The following SEMA6A variants were observed in gnomAD, a reference collection of about 807,000 sequenced individuals.
The protein encoded by SEMA6A is semaphorin-6A.
In SEMA6A, 25 loss-of-function variants were observed where a neutral mutation model predicts 96.8. That is an observed-to-expected ratio of 0.26 (90% CI 0.19 to 0.36). The LOEUF is 0.36. Ranked by LOEUF, SEMA6A falls within the 10% of genes least tolerant of loss-of-function variation. The pLI, the probability that SEMA6A is intolerant of heterozygous loss-of-function variation, is 1.00. For synonymous variants in SEMA6A, 612 were observed against 518.0 expected, an observed-to-expected ratio of 1.18 and a Z score of -2.46; for missense variants, 1,363 against 1,323.1, an observed-to-expected ratio of 1.03 and a Z score of -0.47.
chr5:116,482,599 A>G (rs1489657937), intron 10 of SEMA6A, 24 bp from the exon 11 acceptor site: 2 of 1,612,318 alleles, frequency 1.2e-6, no homozygotes, highest in Non-Finnish European at 8.5e-7. Context: ...TTTCACATCA[A>G]GTGTTACTCA....
intron 1 of SEMA6A, among the ~76,000 whole-genome samples, chr5:116,546,442 C>T (rs1331439435): frequency 6.6e-6 from 1 of 152,258 alleles, no homozygotes; most frequent in Non-Finnish European, 1.5e-5. Context: ...TATGTGTCCT[C>T]ACATCTTGTG....
intron 18 of SEMA6A, among the ~76,000 whole-genome samples, chr5:116,450,385 A>G (rs1421951092): frequency 3.9e-5 from 6 of 152,212 alleles, no homozygotes; most frequent in Admixed American, 2.0e-4. Context: ...TGACTTTGGC[A>G]TTCTACAATT....
At chr5:116,519,697 A>ACACACG (rs1758843543) in intron 1 of SEMA6A, among the ~76,000 whole-genome samples, 1 of 150,996 alleles carries the variant, frequency 6.6e-6, no homozygotes, top group African/African-American at 2.5e-5. Context: ...ACACACGCAC[A>ACACACG]CACATACATT....
rs775138777 is a variant in SEMA6A at position 116,446,721 on chromosome 5, C to G, written c.2985G>C (p.Leu995=). The stretch of plus-strand genomic sequence containing the variant: ...GCGTACGCTTCAGCCCCGACCTTGT[C>G]AGTGAGTTGTAGGCGTTGAGGCTGG... ...RQPSLNAYNS[L]TRSGLKRTPS... Residue 995 remains leucine (L), a synonymous_variant, in exon 19 of 19, where the codon CTG becomes CTC. Coordinates refer to ENST00000343348, the MANE Select transcript of SEMA6A (RefSeq NM_020796.5). 56 of 1,600,230 alleles carry G rather than the reference C, an allele frequency of 3.5e-5. 2 individuals carry two copies. Among genetic ancestry groups the G allele is most frequent in the South Asian group, 3.4e-4 (30 of 89,078 alleles).
chr5:116,511,353 G>A (rs866795229), intron 1 of SEMA6A, among the ~76,000 whole-genome samples: 36 of 152,202 alleles, frequency 2.4e-4, no homozygotes, highest in Admixed American at 3.3e-4. Context: ...TTCTATCAGC[G>A]GTTGGTTGAA....
intron 18 of SEMA6A, among the ~76,000 whole-genome samples, chr5:116,463,391 A>G (rs1755535172): frequency 6.6e-6 from 1 of 152,196 alleles, no homozygotes; most frequent in Non-Finnish European, 1.5e-5. Context: ...ATTAACTATA[A>G]AGAGAATTAT....
At position 116,484,209 on chromosome 5, in the gene SEMA6A, ATATT is replaced by A. The variant is rs546268298; in HGVS notation, c.963-1638_963-1635del. ...CATTTACATATAGTATTTTCTTTAT[ATATT>A]AAGAAAAATAGGATAAATACTATTT... On this transcript the variant is annotated intron_variant, in intron 10 of 18. Transcript: ENST00000343348. 2.7e-3 allele frequency among the ~76,000 whole-genome samples: 404 copies of A among 152,216 alleles called. 3 individuals carry two copies. The highest frequency in any genetic ancestry group is 7.9e-3 in the African/African-American group (327 of 41,544).
intron 18 of SEMA6A, among the ~76,000 whole-genome samples, chr5:116,450,589 T>G (rs1435405338): frequency 2.0e-5 from 3 of 152,236 alleles, no homozygotes; most frequent in African/African-American, 7.2e-5. Flanking sequence ...TACTTATTCT[T>G]TCACTGGGAA....
intron 10 of SEMA6A, among the ~76,000 whole-genome samples, chr5:116,483,160 A>G (rs140373336): frequency 8.5e-5 from 13 of 152,342 alleles, no homozygotes; most frequent in Non-Finnish European, 1.3e-4. Flanking sequence ...CTAAAATGCC[A>G]TCACTTTGCA....
intron 1 of SEMA6A, among the ~76,000 whole-genome samples, chr5:116,544,218 T>C (rs913916091): frequency 6.6e-6 from 1 of 152,036 alleles, no homozygotes; most frequent in African/African-American, 2.4e-5. Context: ...GGATGCGGGG[T>C]CTACGGCATG....
At chr5:116,492,540 T>G (rs1212785286) in intron 6 of SEMA6A, 3 of 152,204 alleles carry the variant, frequency 2.0e-5, no homozygotes, top group Non-Finnish European at 4.4e-5. Context: ...CCCAGCCTGA[T>G]TTTTGCAGAA....
rs753588724 is a variant in SEMA6A, at chr5:116,447,417, C to T, written c.2289G>A (p.Thr763=). The T allele has an allele frequency of 1.2e-6, 2 of 1,614,044 alleles. No homozygotes were observed. The highest frequency in any genetic ancestry group is 1.1e-5 in the South Asian group (1 of 91,078). ...TALPTPESTP[T]LQQKRKPSRG... ...GGCTGGGCTTCCGCTTCTGCTGCAG[C>T]GTTGGGGTTGACTCTGGGGTGGGGA... Residue 763 remains threonine, a synonymous_variant, in exon 19 of 19, where the codon ACG becomes ACA. Transcript: ENST00000343348.
intron 18 of SEMA6A, among the ~76,000 whole-genome samples, chr5:116,455,338 G>A (rs763558243): frequency 2.0e-5 from 3 of 152,184 alleles, no homozygotes; most frequent in Non-Finnish European, 4.4e-5. Flanking sequence ...TCATGTGTTA[G>A]AACTGTTACT....
chr5:116,446,497 C>G lies in SEMA6A; in HGVS notation c.*116G>C, dbSNP rs1754217712. On this transcript the variant is annotated 3_prime_UTR_variant, in exon 19 of 19. Transcript: ENST00000343348. ...AGAGAGGAGGACCCAGCGTCCTCGG[C>G]TCTGCCGCAGGCCTTCTTGGTCTGG... 5 of 904,630 alleles carry G rather than the reference C, an allele frequency of 5.5e-6. No individual in the cohort carries two copies. In the South Asian group the frequency reaches 1.2e-4, roughly 21 times the overall value. 56.0% of individuals were successfully genotyped at this position (904,630 alleles called of 1,614,324 possible).
chr5:116,553,398 A>G (rs533091127), intron 1 of SEMA6A, among the ~76,000 whole-genome samples: 1 of 152,294 alleles, frequency 6.6e-6, no homozygotes, highest in South Asian at 2.1e-4. Flanking sequence ...ATTAGCGTCT[A>G]TTTAATATGG....
At chr5:116,491,403 C>T (rs1284613152) in intron 7 of SEMA6A, among the ~76,000 whole-genome samples, 1 of 140,844 alleles carries the variant, frequency 7.1e-6, no homozygotes, top group African/African-American at 2.6e-5. Context: ...AAAGGCACAT[C>T]AGTAGGGGAT....
intron 1 of SEMA6A, among the ~76,000 whole-genome samples, chr5:116,527,733 G>A (rs1314084804): frequency 1.3e-5 from 2 of 152,024 alleles, no homozygotes; most frequent in African/African-American, 4.8e-5. Context: ...ATTAGTCTTC[G>A]TAGTCAGAGT....
chr5:116,538,358 G>A (rs910558518), intron 1 of SEMA6A, among the ~76,000 whole-genome samples: 3 of 152,022 alleles, frequency 2.0e-5, no homozygotes, highest in Non-Finnish European at 4.4e-5. Context: ...ACAATTTATT[G>A]CTGAATATTT....
At chr5:116,519,666 C>T (rs1307164808) in intron 1 of SEMA6A, among the ~76,000 whole-genome samples, 1 of 136,664 alleles carries the variant, frequency 7.3e-6, no homozygotes, top group Non-Finnish European at 1.5e-5. Flanking sequence ...GCTGTGTGTA[C>T]ACACACACAC....
Sources: gnomAD v4.1 joint callset for allele counts (sites outside exome capture counted in the v4.1 genomes callset) on GRCh38, gnomAD v4.1.1 for gene constraint, MANE v1.5 for transcripts, NCBI Gene and HGNC (gene_info 2026-07-23, HGNC 2026-07-21) for gene names.